SRPK2: variants seen among roughly 807,000 people sequenced by gnomAD.
SRPK2 encodes the protein SFRS protein kinase 2.
SRPK2 carries 21 observed loss-of-function variants against 90.8 expected under a neutral mutation model. The observed-to-expected ratio is 0.23, with a 90% CI of 0.16 to 0.33. The LOEUF (loss-of-function observed/expected upper bound fraction) is 0.33. Ranked by LOEUF, SRPK2 falls within the 10% of genes least tolerant of loss-of-function variation. The pLI is 1.00. For missense variants in SRPK2, 620 were observed against 869.0 expected (o/e 0.71, Z 3.60); for synonymous variants, 288 against 311.1 (o/e 0.93, Z 0.78).
intron 2 of SRPK2, among the ~76,000 whole-genome samples, chr7:105,208,735 C>T (rs1306446853): frequency 1.3e-5 from 2 of 152,120 alleles, no homozygotes; most frequent in East Asian, 1.9e-4. Context: ...GATGGTTGTA[C>T]AATTCTGTGA....
intron 3 of SRPK2, among the ~76,000 whole-genome samples, chr7:105,193,022 G>A (rs944740086): frequency 2.0e-5 from 3 of 152,124 alleles, no homozygotes; most frequent in African/African-American, 4.8e-5. Context: ...TCCTTTTGCT[G>A]TGTAAAAGCT....
Position 105,167,363 on chromosome 7 carries a change from G to C in SRPK2, c.514+14C>G, listed in dbSNP as rs778697664. ...AAAGGTAAAAATACAAATAAATCAG[G>C]AAGTAAAGGATACGTATCCCATTCA... On this transcript the variant is annotated intron_variant, in intron 6 of 15. Coordinates refer to ENST00000393651, the MANE Select transcript of SRPK2 (RefSeq NM_182692.3). 6.3e-7 allele frequency: 1 copy of C among 1,597,050 alleles called. No individual in the cohort carries two copies. Among genetic ancestry groups the C allele is most frequent in the African/African-American group, 1.3e-5 (1 of 74,500 alleles).
intron 2 of SRPK2, among the ~76,000 whole-genome samples, chr7:105,343,796 CTT>C (rs747713449): frequency 2.0e-5 from 3 of 151,994 alleles, no homozygotes; most frequent in Non-Finnish European, 4.4e-5. Context: ...GAGTTTTGCT[CTT>C]GTCGCCCAGG....
chr7:105,375,876 C>T (rs1820217085), intron 2 of SRPK2, among the ~76,000 whole-genome samples: 1 of 151,246 alleles, frequency 6.6e-6, no homozygotes. Context: ...TATAGCTGGG[C>T]ACAGTAGGGC....
At chr7:105,341,797 C>T (rs1815826107) in intron 2 of SRPK2, among the ~76,000 whole-genome samples, 1 of 152,052 alleles carries the variant, frequency 6.6e-6, no homozygotes, top group Admixed American at 6.6e-5. Context: ...TAAAACCCAT[C>T]TCTACTAAAA....
chr7:105,204,189 A>G (rs890235991), intron 2 of SRPK2, among the ~76,000 whole-genome samples: 1 of 152,244 alleles, frequency 6.6e-6, no homozygotes, highest in Admixed American at 6.5e-5. Flanking sequence ...AGGCGCAAGC[A>G]GCACTCAACT....
chr7:105,239,989 C>T (rs1410649482), intron 2 of SRPK2, among the ~76,000 whole-genome samples: 2 of 152,122 alleles, frequency 1.3e-5, no homozygotes, highest in Non-Finnish European at 2.9e-5. Context: ...AGAAGAATAA[C>T]CTCTGGATCA....
At chr7:105,382,659 G>A (rs1821084365) in intron 2 of SRPK2, among the ~76,000 whole-genome samples, 1 of 150,374 alleles carries the variant, frequency 6.7e-6, no homozygotes, top group Admixed American at 6.6e-5. Context: ...AATCACAAAA[G>A]GTGACATACT....
chr7:105,389,263 C>T, upstream of SRPK2: 2 of 1,268,752 alleles, frequency 1.6e-6, no homozygotes, highest in Non-Finnish European at 2.0e-6. Context: ...TCGCGCCGCC[C>T]GCTGCTCCAT....
At chr7:105,127,170 C>A in intron 13 of SRPK2, 108 bp from the exon 14 acceptor site, 2 of 973,390 alleles carry the variant, frequency 2.1e-6, no homozygotes, top group Non-Finnish European at 1.6e-6. Flanking sequence ...CTGAATCAAA[C>A]AAAATAGCCT....
chr7:105,178,999 T>C (rs1291249428), intron 3 of SRPK2, among the ~76,000 whole-genome samples: 1 of 152,216 alleles, frequency 6.6e-6, no homozygotes, highest in African/African-American at 2.4e-5. Context: ...TTTAAATTAC[T>C]AATAAGGAAA....
Position 105,132,831 on chromosome 7 carries a change from C to T in SRPK2, c.1712G>A (p.Gly571Glu). The change falls in exon 13 of 16, where the codon GGG (glycine) becomes GAG (glutamate). Residue 571 changes from glycine to glutamate, a missense_variant. Physicochemically the swap from Gly to Glu is moderately conservative, Grantham distance 98. Transcript: ENST00000393651. ...CCAGATGTCCGCAGGGGTGCTGTAC[C>T]CCGCTCCTATTAAAACCTCTATGGA... ...YRSIEVLIGA[G>E]YSTPADIWST... 6.2e-7 allele frequency: 1 copy of T among 1,610,316 alleles called. No homozygotes were observed. The highest frequency in any genetic ancestry group is 8.5e-7 in the Non-Finnish European group (1 of 1,178,090).
At chr7:105,243,757 T>C (rs1215006551) in intron 2 of SRPK2, among the ~76,000 whole-genome samples, 3 of 152,148 alleles carry the variant, frequency 2.0e-5, no homozygotes, top group African/African-American at 7.2e-5. Context: ...AAATTTTAAT[T>C]TCAGTTACAA....
chr7:105,384,684 T>C (rs1262090057), intron 2 of SRPK2, among the ~76,000 whole-genome samples: 4 of 152,148 alleles, frequency 2.6e-5, no homozygotes, highest in African/African-American at 7.2e-5. Context: ...AACGAAGCTA[T>C]TGTGGGCTTA....
chr7:105,308,833 C>T (rs183207852), intron 2 of SRPK2, among the ~76,000 whole-genome samples: 53 of 152,254 alleles, frequency 3.5e-4, no homozygotes, highest in East Asian at 2.5e-3. Context: ...TAAAACTCCA[C>T]GAAAACTAAA....
At chr7:105,243,275 AT>A (rs910587220) in intron 2 of SRPK2, among the ~76,000 whole-genome samples, 2 of 152,166 alleles carry the variant, frequency 1.3e-5, no homozygotes, top group African/African-American at 4.8e-5. Context: ...AAGTGCAGGG[AT>A]TACTTCCATG....
At chr7:105,130,555 A>G (rs1801854331) in intron 13 of SRPK2, among the ~76,000 whole-genome samples, 1 of 152,052 alleles carries the variant, frequency 6.6e-6, no homozygotes. Flanking sequence ...GTCTCCAAAC[A>G]AACAAACAAA....
intron 8 of SRPK2, among the ~76,000 whole-genome samples, chr7:105,146,017 C>A (rs997123694): frequency 1.3e-5 from 2 of 152,104 alleles, no homozygotes; most frequent in Non-Finnish European, 2.9e-5. Context: ...ATAAAGATAT[C>A]CCAATACTCA....
chr7:105,223,223 A>G (rs1332282770), intron 2 of SRPK2, among the ~76,000 whole-genome samples: 1 of 152,238 alleles, frequency 6.6e-6, no homozygotes, highest in Non-Finnish European at 1.5e-5. Flanking sequence ...AGCTGAAAAA[A>G]GCTCAACTGC....
Sources: allele counts gnomAD v4.1 joint callset (sites outside exome capture counted in the v4.1 genomes callset), GRCh38; gene constraint gnomAD v4.1.1; transcripts MANE v1.5; gene names NCBI Gene and HGNC (gene_info 2026-07-23, HGNC 2026-07-21).